Variants in CCDC68 observed in about 807,000 individuals in gnomAD.
CCDC68 encodes coiled-coil domain-containing protein 68.
In CCDC68, 45 loss-of-function variants were observed where a neutral mutation model predicts 47.1. The observed-to-expected ratio is 0.96, with a 90% CI of 0.75 to 1.23. The LOEUF is 1.23. CCDC68 is among the 50% of genes most tolerant of loss of function. CCDC68 has a pLI of 0.00. For synonymous variants in CCDC68, 131 were observed against 129.5 expected, an observed-to-expected ratio of 1.01 and a Z score of -0.08; for missense variants, 353 against 373.6, an observed-to-expected ratio of 0.94 and a Z score of 0.45.
intron 8 of CCDC68, among the ~76,000 whole-genome samples, chr18:54,920,563 AAG>A (rs1208662788): frequency 2.6e-5 from 4 of 152,220 alleles, no homozygotes; most frequent in East Asian, 1.9e-4. Context: ...ATTAGAAAAA[AAG>A]AGTTATTAGT....
intron 1 of CCDC68, among the ~76,000 whole-genome samples, chr18:54,947,168 A>G (rs536229479): frequency 1.8e-4 from 28 of 152,354 alleles, no homozygotes; most frequent in African/African-American, 6.0e-4. Flanking sequence ...GATTAAGGGG[A>G]TAAAATTTTC....
intron 1 of CCDC68, among the ~76,000 whole-genome samples, chr18:54,957,535 A>G (rs1433573081): frequency 6.6e-6 from 1 of 152,034 alleles, no homozygotes; most frequent in African/African-American, 2.4e-5. Context: ...CAGTGTCCTC[A>G]ATAAATATTG....
intron 1 of CCDC68, among the ~76,000 whole-genome samples, chr18:54,951,362 TGGGAA>T (rs898856060): frequency 6.6e-6 from 1 of 151,750 alleles, no homozygotes; most frequent in Admixed American, 6.6e-5. Context: ...TGGAGAAGAG[TGGGAA>T]GGAGGGGCCA....
At chr18:54,920,272 T>C (rs969045740) in intron 8 of CCDC68, among the ~76,000 whole-genome samples, 6 of 151,920 alleles carry the variant, frequency 3.9e-5, no homozygotes, top group Non-Finnish European at 5.9e-5. Context: ...TGGTTTGTTT[T>C]TTTTCAGACG....
rs546100779 is a variant in CCDC68 at position 54,901,557 on chromosome 18, C to A, written c.*2801G>T. On this transcript the variant is annotated 3_prime_UTR_variant, in exon 12 of 12. Coordinates refer to ENST00000591504, the MANE Select transcript of CCDC68 (RefSeq NM_025214.3). ...TAAAAAGAAAACCAAACAATTCACA[C>A]AATGTAGCATCAATTTTCTTTATGG... The A allele has an allele frequency of 1.3e-5, 2 of 152,248 alleles. No individual in the cohort carries two copies. The highest frequency in any genetic ancestry group is 3.9e-4 in the East Asian group (2 of 5,186). 9.4% of individuals were successfully genotyped at this position (152,248 alleles called of 1,614,324 possible). A position where few individuals can be genotyped will look rare whatever the true frequency, so the allele number is the denominator to read the frequency against.
At position 54,904,348 on chromosome 18, in the gene CCDC68, T is replaced by C; in HGVS notation, c.*10A>G. 6.2e-7 allele frequency: 1 copy of C among 1,606,268 alleles called. No individual in the cohort carries two copies. The highest frequency in any genetic ancestry group is 8.5e-7 in the Non-Finnish European group (1 of 1,173,004). ...GCAGTCTTTCTAAATCAGATCTTCA[T>C]CCAGCCAGTTCATTTCCGTAACCTA... On this transcript the variant is annotated 3_prime_UTR_variant, in exon 12 of 12. Coordinates refer to ENST00000591504, the MANE Select transcript of CCDC68 (RefSeq NM_025214.3).
At chr18:54,907,279 T>C (rs1251521903) in intron 11 of CCDC68, among the ~76,000 whole-genome samples, 2 of 152,218 alleles carry the variant, frequency 1.3e-5, no homozygotes, top group African/African-American at 4.8e-5. Flanking sequence ...TCATCATCGC[T>C]TGAAATCATT....
chr18:54,937,232 C>T, intron 5 of CCDC68: 1 of 355,126 alleles, frequency 2.8e-6, no homozygotes, highest in South Asian at 3.9e-5. Flanking sequence ...ATAGTCCTCA[C>T]TGTTCACATA....
intron 1 of CCDC68, among the ~76,000 whole-genome samples, chr18:54,948,643 C>A (rs1599095497): frequency 6.6e-6 from 1 of 152,192 alleles, no homozygotes; most frequent in South Asian, 2.1e-4. Flanking sequence ...TTACAGAAAG[C>A]CACTGTGTTA....
intron 7 of CCDC68, among the ~76,000 whole-genome samples, chr18:54,929,571 A>G (rs1052438280): frequency 3.9e-5 from 6 of 152,242 alleles, no homozygotes; most frequent in Admixed American, 6.5e-5. Flanking sequence ...CTCAGCTGAA[A>G]AAAAGGAATT....
intron 4 of CCDC68, among the ~76,000 whole-genome samples, chr18:54,939,504 C>G (rs2044402019): frequency 6.6e-6 from 1 of 152,066 alleles, no homozygotes; most frequent in Non-Finnish European, 1.5e-5. Flanking sequence ...GCAGACCACA[C>G]TTGAGAGTAG....
Position 54,943,931 on chromosome 18 carries a change from C to T in CCDC68, c.-12-1128G>A, listed in dbSNP as rs371642681. ...AGCATTTTGGGAGGCCAAAGTGGAC[C>T]GATCACTTGAGGTCAGGAGTTTGAG... On this transcript the variant is annotated intron_variant, in intron 2 of 11. Transcript: ENST00000591504. Among the ~76,000 whole-genome samples the T allele has an allele frequency of 3.2e-3, 489 of 151,972 alleles. 3 individuals are homozygous for T. Among genetic ancestry groups the T allele is most frequent in the African/African-American group, 0.011 (446 of 41,452 alleles).
intron 8 of CCDC68, among the ~76,000 whole-genome samples, chr18:54,921,568 A>C (rs1488639918): frequency 6.6e-6 from 1 of 152,212 alleles, no homozygotes; most frequent in Non-Finnish European, 1.5e-5. Context: ...GAGGGGAGTG[A>C]AGCAAATGAG....
At chr18:54,921,125 A>G (rs1049923536) in intron 8 of CCDC68, among the ~76,000 whole-genome samples, 1 of 152,224 alleles carries the variant, frequency 6.6e-6, no homozygotes, top group Admixed American at 6.5e-5. Flanking sequence ...AATTCCACTT[A>G]TAAGTGGGAG....
chr18:54,925,276 T>C (rs1390161983), intron 8 of CCDC68, among the ~76,000 whole-genome samples: 1 of 152,172 alleles, frequency 6.6e-6, no homozygotes, highest in Non-Finnish European at 1.5e-5. Context: ...GTCCTCATCA[T>C]CTAATTTTTT....
intron 1 of CCDC68, among the ~76,000 whole-genome samples, chr18:54,948,930 G>A (rs1417858283): frequency 6.6e-6 from 1 of 152,222 alleles, no homozygotes; most frequent in Non-Finnish European, 1.5e-5. Context: ...TAGGAGAAGA[G>A]AGTTCCAGGC....
rs2044011746 is a variant in CCDC68, at chr18:54,919,297, G to A, written c.763C>T (p.Gln255Ter). The change falls in exon 9 of 12, where the codon CAG becomes TAG. Residue 255 changes from glutamine to a stop codon, truncating the protein, a stop_gained. Transcript: ENST00000591504. LOFTEE classifies it high-confidence loss of function. ...HLQFVIHSQH[Q>*]NLRSVIQEME... ...TCCTGGATGACACTGCGCAGGTTCT[G>A]ATGTTGGGAGTGAATCACAAACTGC... 1 of 1,613,720 alleles carries A rather than the reference G, an allele frequency of 6.2e-7. No individual in the cohort carries two copies. Among genetic ancestry groups the A allele is most frequent in the Non-Finnish European group, 8.5e-7 (1 of 1,179,778 alleles).
intron 1 of CCDC68, among the ~76,000 whole-genome samples, chr18:54,958,303 C>T (rs1290199941): frequency 6.6e-6 from 1 of 151,974 alleles, no homozygotes; most frequent in African/African-American, 2.4e-5. Flanking sequence ...GAGTGGGCAG[C>T]GGGGGAAAAG....
At chr18:54,923,730 T>A (rs12960273) in intron 8 of CCDC68, among the ~76,000 whole-genome samples, 54,774 of 148,638 alleles carry the variant, frequency 0.37, 10,356 homozygotes, top group East Asian at 0.61. Flanking sequence ...TTTTTTTTTT[T>A]AAACAAAGTC....
Sources: gnomAD v4.1 joint callset for allele counts (sites outside exome capture counted in the v4.1 genomes callset) on GRCh38, gnomAD v4.1.1 for gene constraint, MANE v1.5 for transcripts, NCBI Gene and HGNC (gene_info 2026-07-23, HGNC 2026-07-21) for gene names.